The following NCKAP5 variants were observed in gnomAD, a reference collection of about 807,000 sequenced individuals.
NCKAP5 encodes NCK associated protein 5, also known as nck-associated protein 5.
A neutral mutation model predicts 167.0 loss-of-function variants in NCKAP5; 92 were observed. The observed-to-expected ratio is 0.55, with a 90% CI of 0.47 to 0.66. NCKAP5 has a LOEUF of 0.66. Ranked by LOEUF, NCKAP5 falls within the 30% of genes least tolerant of loss-of-function variation. NCKAP5 has a pLI of 0.00. For missense variants in NCKAP5, 2,378 were observed against 2,315.0 expected, an observed-to-expected ratio of 1.03 and a Z score of -0.56; for synonymous variants, 891 against 877.4, an observed-to-expected ratio of 1.02 and a Z score of -0.27.
intron 15 of NCKAP5, among the ~76,000 whole-genome samples, chr2:132,779,094 T>C (rs1682796639): frequency 6.6e-6 from 1 of 152,180 alleles, no homozygotes; most frequent in South Asian, 2.1e-4. Flanking sequence ...ATGGATTATG[T>C]ATATGTGGGG....
the NCKAP5 span, among the ~76,000 whole-genome samples, chr2:133,592,715 C>T: frequency 6.6e-6 from 1 of 152,198 alleles, no homozygotes; most frequent in African/African-American, 2.4e-5. Context: ...CTTCAGAATA[C>T]ACTTTGCCTA....
At chr2:133,195,058 T>G (rs544163256) in intron 5 of NCKAP5, among the ~76,000 whole-genome samples, 8 of 152,024 alleles carry the variant, frequency 5.3e-5, no homozygotes, top group African/African-American at 1.7e-4. Context: ...CTGCTTCTCA[T>G]ACCATATACT....
chr2:133,507,486 A>G (rs1184896828), intron 3 of NCKAP5, among the ~76,000 whole-genome samples: 1 of 152,232 alleles, frequency 6.6e-6, no homozygotes, highest in Non-Finnish European at 1.5e-5. Flanking sequence ...GACAATTATG[A>G]TCCATTAAGC....
At chr2:133,017,109 T>C (rs2078366098) in intron 6 of NCKAP5, among the ~76,000 whole-genome samples, 1 of 152,240 alleles carries the variant, frequency 6.6e-6, no homozygotes, top group Non-Finnish European at 1.5e-5. Flanking sequence ...ATGAACGATG[T>C]CTGCAGAATT....
At chr2:133,628,455 C>T in the NCKAP5 span, among the ~76,000 whole-genome samples, 8 of 152,118 alleles carry the variant, frequency 5.3e-5, no homozygotes, top group South Asian at 1.2e-3. Context: ...AGGACCTCTT[C>T]GAGGATAACC....
chr2:133,548,359 AT>A (rs1234071264), intron 2 of NCKAP5, among the ~76,000 whole-genome samples: 4 of 152,102 alleles, frequency 2.6e-5, no homozygotes, highest in Non-Finnish European at 4.4e-5. Flanking sequence ...CAATGTTCAG[AT>A]TCAGGAAATA....
At chr2:132,950,972 T>C (rs559754150) in intron 8 of NCKAP5, among the ~76,000 whole-genome samples, 1 of 152,328 alleles carries the variant, frequency 6.6e-6, no homozygotes, top group East Asian at 1.9e-4. Flanking sequence ...AAGAAAGGTC[T>C]TGTGGATATG....
At position 133,345,027 on chromosome 2, in the gene NCKAP5, GAAT is replaced by G. The variant is rs567614337; in HGVS notation, c.70-41920_70-41918del. ...GTCATTTGAGAACCAATGCCTTAGA[GAAT>G]AATGACAGAGATTCAGCCTTTAAGG... is the stretch of plus-strand genomic sequence containing the variant. On this transcript the variant is annotated intron_variant, in intron 3 of 19. Coordinates refer to ENST00000409261, the MANE Select transcript of NCKAP5 (RefSeq NM_207363.3). Among the ~76,000 whole-genome samples, 98 of 152,268 alleles carry G rather than the reference GAAT, an allele frequency of 6.4e-4. No homozygotes were observed. In the East Asian group the frequency reaches 0.017, roughly 26 times the overall value.
chr2:133,072,180 G>C (rs1296033280), intron 6 of NCKAP5, among the ~76,000 whole-genome samples: 1 of 151,342 alleles, frequency 6.6e-6, no homozygotes, highest in Non-Finnish European at 1.5e-5. Context: ...TGCCTCCTCT[G>C]TTCAAGCAAT....
chr2:133,489,519 A>G (rs1310348046), intron 3 of NCKAP5, among the ~76,000 whole-genome samples: 1 of 152,218 alleles, frequency 6.6e-6, no homozygotes, highest in Non-Finnish European at 1.5e-5. Context: ...TTTTACTTCT[A>G]ACACACATTG....
chr2:132,769,933 T>C (rs929086178), intron 16 of NCKAP5, among the ~76,000 whole-genome samples: 2 of 152,198 alleles, frequency 1.3e-5, no homozygotes, highest in Non-Finnish European at 2.9e-5. Flanking sequence ...GCCAAGTAAA[T>C]AGATACAATG....
the NCKAP5 span, among the ~76,000 whole-genome samples, chr2:133,597,243 T>C: frequency 1.3e-5 from 2 of 152,156 alleles, no homozygotes; most frequent in Non-Finnish European, 2.9e-5. Context: ...CAGTGTGACC[T>C]GGACATCTGC....
intron 6 of NCKAP5, among the ~76,000 whole-genome samples, chr2:133,125,219 C>CT (rs777940751): frequency 0.011 from 1,553 of 142,716 alleles, 28 homozygotes; most frequent in African/African-American, 0.026. Flanking sequence ...ATTACTCTAC[C>CT]TTTTTTTTTT....
intron 3 of NCKAP5, among the ~76,000 whole-genome samples, chr2:133,363,333 T>C (rs1357845455): frequency 6.6e-6 from 1 of 152,118 alleles, no homozygotes; most frequent in Non-Finnish European, 1.5e-5. Context: ...TTTTTTTTTT[T>C]ACCTATTGTC....
chr2:132,985,213 AG>A (rs2077256070), intron 7 of NCKAP5, among the ~76,000 whole-genome samples: 2 of 152,152 alleles, frequency 1.3e-5, no homozygotes, highest in African/African-American at 4.8e-5. Flanking sequence ...AACGTCTAAT[AG>A]GAAAAGCATT....
intron 19 of NCKAP5, among the ~76,000 whole-genome samples, chr2:132,701,882 G>C (rs2105248738): frequency 6.6e-6 from 1 of 152,286 alleles, no homozygotes; most frequent in Admixed American, 6.5e-5. Context: ...GGTTCCCAGA[G>C]GCAACCGGAT....
At chr2:133,674,776 T>C in the NCKAP5 span, among the ~76,000 whole-genome samples, 1 of 152,198 alleles carries the variant, frequency 6.6e-6, no homozygotes, top group East Asian at 1.9e-4. Context: ...GGAGAGTTCC[T>C]GGGGTTTTCG....
intron 4 of NCKAP5, among the ~76,000 whole-genome samples, chr2:133,247,154 T>C (rs1019354401): frequency 6.6e-6 from 1 of 152,212 alleles, no homozygotes; most frequent in Non-Finnish European, 1.5e-5. Flanking sequence ...CACACAGCCC[T>C]GCTTAAAAAG....
At chr2:132,681,423 A>C (rs1391501747) in intron 19 of NCKAP5, among the ~76,000 whole-genome samples, 1 of 151,674 alleles carries the variant, frequency 6.6e-6, no homozygotes, top group African/African-American at 2.4e-5. Flanking sequence ...AAGCCGGGCC[A>C]TGGCAGGCTT....
Sources: allele counts gnomAD v4.1 joint callset (sites outside exome capture counted in the v4.1 genomes callset), GRCh38; gene constraint gnomAD v4.1.1; transcripts MANE v1.5; gene names NCBI Gene and HGNC (gene_info 2026-07-23, HGNC 2026-07-21).